The following KIF17 variants were observed in gnomAD, a reference collection of about 807,000 sequenced individuals.
The protein encoded by KIF17 is kinesin family member 17.
In KIF17, 80 loss-of-function variants were observed where a neutral mutation model predicts 96.8. The observed-to-expected ratio is 0.83, with a 90% CI of 0.69 to 1.00. The LOEUF (loss-of-function observed/expected upper bound fraction) is 1.00, where lower values mean the gene tolerates loss of function less well. Among genes scored for constraint, KIF17 ranks in the 50% least tolerant of loss-of-function variants. The pLI is 0.00. For missense variants in KIF17, 1,280 were observed against 1,372.9 expected (o/e 0.93, Z 1.07); for synonymous variants, 567 against 587.5 (o/e 0.97, Z 0.51).
intron 2 of KIF17, among the ~76,000 whole-genome samples, chr1:20,714,049 C>T (rs909571389): frequency 6.6e-6 from 1 of 152,010 alleles, no homozygotes; most frequent in Non-Finnish European, 1.5e-5. Flanking sequence ...TTAGCTAGGC[C>T]AAGCGCGGTG....
At chr1:20,674,722 G>C (rs745645488) in intron 11 of KIF17, among the ~76,000 whole-genome samples, 1 of 151,976 alleles carries the variant, frequency 6.6e-6, no homozygotes, top group African/African-American at 2.4e-5. Flanking sequence ...GATCCATTTT[G>C]AGTTAATTTT....
At chr1:20,686,207 C>A in intron 8 of KIF17, 81 bp from the exon 9 acceptor site, 1 of 1,208,400 alleles carries the variant, frequency 8.3e-7, no homozygotes, top group South Asian at 1.3e-5. Context: ...CCTGGCCTCA[C>A]TTCAACTCCC....
intron 13 of KIF17, among the ~76,000 whole-genome samples, chr1:20,666,981 C>T (rs2053540673): frequency 6.6e-6 from 1 of 152,130 alleles, no homozygotes; most frequent in African/African-American, 2.4e-5. Context: ...TCCTCCTAAA[C>T]ACAGTAATTG....
At chr1:20,683,458 T>C (rs2053869054) in intron 10 of KIF17, among the ~76,000 whole-genome samples, 1 of 152,094 alleles carries the variant, frequency 6.6e-6, no homozygotes, top group Non-Finnish European at 1.5e-5. Context: ...AGTTTGAGAC[T>C]AGCTTGACCA....
At chr1:20,670,615 CA>C in intron 12 of KIF17, 127 bp from the exon 13 acceptor site, 2 of 847,142 alleles carry the variant, frequency 2.4e-6, no homozygotes, top group Non-Finnish European at 4.0e-6. Flanking sequence ...CAGCCCAAGC[CA>C]AGGGATAATT....
rs1028934326 is a variant in KIF17, at chr1:20,669,572, A to G, written c.2790+849T>C. 6.9e-5 allele frequency among the ~76,000 whole-genome samples: 10 copies of G among 144,764 alleles called. No homozygotes were observed. In the East Asian group the frequency reaches 1.6e-3, roughly 23 times the overall value. 95.0% of individuals were successfully genotyped at this position (144,764 alleles called of 152,430 possible). A position where few individuals can be genotyped will look rare whatever the true frequency, so the allele number is the denominator to read the frequency against. ...AATAATAATAATAATAATAAATAAAATAAAATAAAATAAAATAGAGGCCGG... is the reference window on the plus strand; with the variant it reads ...AATAATAATAATAATAATAAATAAAGTAAAATAAAATAAAATAGAGGCCGG... On this transcript the variant is annotated intron_variant, in intron 13 of 14. Transcript: ENST00000400463.
At chr1:20,713,423 C>A (rs763660566) in intron 3 of KIF17, 31 bp downstream of exon 3, 1 of 1,541,030 alleles carries the variant, frequency 6.5e-7, no homozygotes, top group Non-Finnish European at 9.0e-7. Context: ...CCCCTACCAG[C>A]CCCACCTGCC....
chr1:20,681,261 C>T (rs537944595), intron 11 of KIF17, among the ~76,000 whole-genome samples: 1 of 151,748 alleles, frequency 6.6e-6, no homozygotes, highest in African/African-American at 2.4e-5. Flanking sequence ...GTGATGTCAG[C>T]TCACTGCAAC....
At position 20,702,108 on chromosome 1, in the gene KIF17, A is replaced by G. The variant is rs565870498; in HGVS notation, c.1123+2339T>C. Among the ~76,000 whole-genome samples, 3 of 152,200 alleles carry G rather than the reference A, an allele frequency of 2.0e-5. No homozygotes were observed. The South Asian group carries it at 6.2e-4, about 32-fold the overall frequency. On this transcript the variant is annotated intron_variant, in intron 5 of 14. Transcript: ENST00000400463. ...CTCGTGCTGAGCCCACACATGCATG[A>G]CCTCAGGCAATTTTCCCAGTTGCCT...
In KIF17 at chr1:20,672,317, C is replaced by A. The variant is rs946358336; in HGVS notation, c.2464-121G>T. ...TCGTCTGTTCATTGGCCTGATCAGC[C>A]ATCCATTCTCATCCCCACCATCCAT... On this transcript the variant is annotated intron_variant, in intron 11 of 14. Coordinates refer to ENST00000400463, the MANE Select transcript of KIF17 (RefSeq NM_001122819.3). The surrounding 1 kb of genome is among the most constrained non-coding windows in gnomAD (Gnocchi z 4.3). 53 of 1,193,402 alleles carry A rather than the reference C, an allele frequency of 4.4e-5. No homozygotes were observed. The highest frequency in any genetic ancestry group is 6.1e-5 in the Non-Finnish European group (51 of 834,278). 73.9% of individuals were successfully genotyped at this position (1,193,402 alleles called of 1,614,324 possible). A position where few individuals can be genotyped will look rare whatever the true frequency, so the allele number is the denominator to read the frequency against.
chr1:20,678,047 C>T (rs895923280), intron 11 of KIF17, among the ~76,000 whole-genome samples: 8 of 152,152 alleles, frequency 5.3e-5, no homozygotes, highest in Non-Finnish European at 7.3e-5. Flanking sequence ...AAGACATACC[C>T]GACACTGGGT....
intron 2 of KIF17, among the ~76,000 whole-genome samples, chr1:20,715,004 A>G (rs2054552423): frequency 6.6e-6 from 1 of 152,162 alleles, no homozygotes; most frequent in African/African-American, 2.4e-5. Flanking sequence ...GTCGCCAGGT[A>G]ATTCTCACCT....
At chr1:20,674,895 A>G (rs982156049) in intron 11 of KIF17, among the ~76,000 whole-genome samples, 2 of 152,098 alleles carry the variant, frequency 1.3e-5, no homozygotes, top group Non-Finnish European at 2.9e-5. Flanking sequence ...CACTCCTGTA[A>G]TCCCAGCACT....
chr1:20,662,993 C>T (rs1029054074), downstream of KIF17, among the ~76,000 whole-genome samples: 1 of 152,116 alleles, frequency 6.6e-6, no homozygotes, highest in Non-Finnish European at 1.5e-5. Context: ...TTTGGCAGGC[C>T]GAGGTGGGCA....
chr1:20,713,519 A>G lies in KIF17; in HGVS notation c.415T>C (p.Tyr139His), dbSNP rs1002067440. ...ENTKFLVRAS[Y>H]LEIYNEDVRD... Reference sequence around the variant, plus strand: ...ACATCTTCATTGTAGATCTCCAGGTAGGAGGCCCGGACCAGGAACTTAGTG... The same window carrying G: ...ACATCTTCATTGTAGATCTCCAGGTGGGAGGCCCGGACCAGGAACTTAGTG... Residue 139 changes from tyrosine (Y) to histidine (H), a missense_variant, in exon 3 of 15, where the codon TAC becomes CAC. Coordinates refer to ENST00000400463, the MANE Select transcript of KIF17 (RefSeq NM_001122819.3). The G allele has an allele frequency of 1.2e-6, 2 of 1,611,728 alleles. No individual in the cohort carries two copies. The highest frequency in any genetic ancestry group is 8.5e-7 in the Non-Finnish European group (1 of 1,179,242).
chr1:20,677,031 T>C (rs967820842), intron 11 of KIF17, among the ~76,000 whole-genome samples: 1 of 150,944 alleles, frequency 6.6e-6, no homozygotes, highest in Admixed American at 6.6e-5. Flanking sequence ...CGCAACATGG[T>C]GAAACCCCGT....
chr1:20,670,313 G>A (rs991235601), intron 13 of KIF17, 108 bp downstream of exon 13: 24 of 1,090,942 alleles, frequency 2.2e-5, no homozygotes, highest in Non-Finnish European at 3.1e-5. Flanking sequence ...TAATCCTTAG[G>A]CGGGAGGAAA....
intron 4 of KIF17, among the ~76,000 whole-genome samples, chr1:20,707,544 G>A (rs1422346073): frequency 1.3e-5 from 2 of 152,162 alleles, no homozygotes; most frequent in Admixed American, 6.5e-5. Context: ...GGAGGCTGAG[G>A]TGGATTGCTT....
intron 3 of KIF17, among the ~76,000 whole-genome samples, chr1:20,712,815 AT>A (rs2054487220): frequency 2.1e-5 from 2 of 96,564 alleles, no homozygotes; most frequent in African/African-American, 8.2e-5. Context: ...ATCTATATAT[AT>A]AATATAGATA....
Sources: gnomAD v4.1 joint callset for allele counts (sites outside exome capture counted in the v4.1 genomes callset) on GRCh38, gnomAD v4.1.1 for gene constraint, Gnocchi (gnomAD v3.1) non-coding constraint, MANE v1.5 for transcripts, NCBI Gene and HGNC (gene_info 2026-07-23, HGNC 2026-07-21) for gene names.